Variants in ITPR3 observed in about 807,000 individuals in gnomAD.
The protein encoded by ITPR3 is inositol 1,4,5-trisphosphate receptor type 3.
In ITPR3, 173 loss-of-function variants were observed where a neutral mutation model predicts 293.2. The observed-to-expected ratio is 0.59, with a 90% CI of 0.52 to 0.67. ITPR3 has a LOEUF of 0.67. ITPR3 is among the 30% of genes least tolerant of loss of function. The probability of loss-of-function intolerance (pLI) is 0.00; values close to 1 mark genes in which losing one functional copy is unlikely to be tolerated. For synonymous variants in ITPR3, 1,295 were observed against 1,444.4 expected, an observed-to-expected ratio of 0.90 and a Z score of 2.35; for missense variants, 2,796 against 3,592.1, an observed-to-expected ratio of 0.78 and a Z score of 5.66.
chr6:33,665,533 T>C (rs950488946), intron 13 of ITPR3, among the ~76,000 whole-genome samples: 6 of 151,884 alleles, frequency 4.0e-5, no homozygotes, highest in South Asian at 4.2e-4. Context: ...AGGATGCAAA[T>C]GCAGCCCCCT....
At position 33,695,822 on chromosome 6, in the gene ITPR3, G is replaced by T; in HGVS notation, c.*42G>T. The T allele has an allele frequency of 1.3e-6, 2 of 1,597,582 alleles. No homozygotes were observed. Among genetic ancestry groups the T allele is most frequent in the Non-Finnish European group, 1.7e-6 (2 of 1,165,342 alleles). On this transcript the variant is annotated 3_prime_UTR_variant, in exon 58 of 58. Coordinates refer to ENST00000605930, the MANE Select transcript of ITPR3 (RefSeq NM_002224.4). ...CCCCAACAGGGGATGCTCATCACTG[G>T]AGACTGCGACTGGGAAGAACACTGC...
chr6:33,689,428 C>T lies in ITPR3; in HGVS notation c.6867+18C>T. On this transcript the variant is annotated intron_variant, in intron 50 of 57. Coordinates refer to ENST00000605930, the MANE Select transcript of ITPR3 (RefSeq NM_002224.4). Reference sequence around the variant, plus strand: ...CCCTCAATGTGAGTGCCAGAGGGAGCCCCCATTCCCAAACAAGCTCATGCT... The same window carrying T: ...CCCTCAATGTGAGTGCCAGAGGGAGTCCCCATTCCCAAACAAGCTCATGCT... 1 of 1,603,574 alleles carries T rather than the reference C, an allele frequency of 6.2e-7. No individual in the cohort carries two copies. Among genetic ancestry groups the T allele is most frequent in the Non-Finnish European group, 8.5e-7 (1 of 1,178,704 alleles).
chr6:33,626,503 GT>G (rs1424759766), intron 1 of ITPR3, among the ~76,000 whole-genome samples: 1 of 152,242 alleles, frequency 6.6e-6, no homozygotes, highest in African/African-American at 2.4e-5. Context: ...CTGACAGGCT[GT>G]GAGGAAGCCT....
intron 10 of ITPR3, 90 bp downstream of exon 10, chr6:33,663,640 G>T: frequency 6.2e-7 from 1 of 1,606,340 alleles, no homozygotes; most frequent in Middle Eastern, 1.7e-4. Context: ...TGGGAGGTGG[G>T]CTGGAGGGAG....
At chr6:33,635,247 C>T (rs529119217) in intron 1 of ITPR3, among the ~76,000 whole-genome samples, 4 of 152,160 alleles carry the variant, frequency 2.6e-5, no homozygotes, top group Non-Finnish European at 5.9e-5. Context: ...TGAATTCGGA[C>T]GAAACCCACG....
chr6:33,674,602 C>A lies in ITPR3; in HGVS notation c.3116+337C>A, dbSNP rs973777784. ...AGTGTGGGGACATGCATCCCATCCACCCGAAGCCCTGAGGGGCTGGAGGCA... is the reference window on the plus strand; with the variant it reads ...AGTGTGGGGACATGCATCCCATCCAACCGAAGCCCTGAGGGGCTGGAGGCA... On this transcript the variant is annotated intron_variant, in intron 24 of 57. Transcript: ENST00000605930. 2.6e-5 allele frequency among the ~76,000 whole-genome samples: 4 copies of A among 152,344 alleles called. No homozygotes were observed. In the East Asian group the frequency reaches 5.8e-4, roughly 22 times the overall value.
In ITPR3 at chr6:33,639,698, G is replaced by C. The variant is rs561957597; in HGVS notation, c.90-786G>C. ...GAAGGGTGGCTGGATGGGTAGATGG[G>C]TGGATGGGTGGATGGATGGGTGCAT... On this transcript the variant is annotated intron_variant, in intron 1 of 57. Coordinates refer to ENST00000605930, the MANE Select transcript of ITPR3 (RefSeq NM_002224.4). 2.6e-4 allele frequency among the ~76,000 whole-genome samples: 40 copies of C among 152,164 alleles called. No homozygotes were observed. In the South Asian group the frequency reaches 6.6e-3, roughly 25 times the overall value.
chr6:33,693,672 G>A lies in ITPR3; in HGVS notation c.7752G>A (p.Thr2584=), dbSNP rs183531106. The A allele has an allele frequency of 2.7e-4, 439 of 1,614,146 alleles. 4 individuals carry two copies. In the East Asian group the frequency reaches 8.0e-3, roughly 29 times the overall value. The stretch of plus-strand genomic sequence containing the variant: ...GCGTGAAGAACAAGACCGACTACAC[G>A]GGCCCTGAGAGCTACGTGGCCCAGA... The part of the protein sequence containing the change: ...LVRVKNKTDY[T]GPESYVAQMI... The change falls in exon 56 of 58, where the codon ACG becomes ACA. Residue 2584 remains threonine, a synonymous_variant. Transcript: ENST00000605930.
intron 28 of ITPR3, 122 bp from the exon 29 acceptor site, chr6:33,678,299 C>T (rs960045926): frequency 6.6e-6 from 9 of 1,368,962 alleles, no homozygotes; most frequent in East Asian, 2.3e-5. Flanking sequence ...TTTCCCTTTA[C>T]GCTGGCCTCT....
In ITPR3 at chr6:33,683,708, C is replaced by T. The variant is rs188558041; in HGVS notation, c.4788+311C>T. ...CCTGTCTATGCAGCACATTTCTGTG[C>T]GCTGTCTCGTTGGCCTGTAGAGGGG... On this transcript the variant is annotated intron_variant, in intron 35 of 57. Coordinates refer to ENST00000605930, the MANE Select transcript of ITPR3 (RefSeq NM_002224.4). The surrounding 1 kb of genome is among the most constrained non-coding windows in gnomAD (Gnocchi z 4.5). 1.5e-3 allele frequency among the ~76,000 whole-genome samples: 233 copies of T among 152,250 alleles called. 6 individuals carry two copies. Among genetic ancestry groups the T allele is most frequent in the East Asian group, 0.013 (65 of 5,192 alleles).
rs1400921019 is a variant in ITPR3, at chr6:33,690,281, ACCAGTCTGTCTGT to A, written c.7032+90_7032+102del. The A allele has an allele frequency of 2.3e-6, 3 of 1,328,874 alleles. No homozygotes were observed. In the Admixed American group the frequency reaches 6.0e-5, roughly 26 times the overall value. 82.3% of individuals were successfully genotyped at this position (1,328,874 alleles called of 1,614,324 possible). The stretch of plus-strand genomic sequence containing the variant: ...CATGAGTTGTTGGCAGTTCCCCGGC[ACCAGTCTGTCTGT>A]CCAGTCCTTTTGCTGCTGGGCTGGG... On this transcript the variant is annotated intron_variant, in intron 51 of 57. Coordinates refer to ENST00000605930, the MANE Select transcript of ITPR3 (RefSeq NM_002224.4).
At position 33,684,324 on chromosome 6, in the gene ITPR3, G is replaced by A. The variant is rs1209049174; in HGVS notation, c.4938-33G>A. ...AAGTAGCTGGAGGGAGGCAGTGTGG[G>A]GCTGCCCTGAGCTGCCTCCTTGGCC... On this transcript the variant is annotated intron_variant, in intron 36 of 57. Coordinates refer to ENST00000605930, the MANE Select transcript of ITPR3 (RefSeq NM_002224.4). This position sits in a 1 kb window ranked among gnomAD's most constrained non-coding sequence, Gnocchi z 4.2. The A allele has an allele frequency of 1.9e-6, 3 of 1,603,554 alleles. No individual in the cohort carries two copies. Among genetic ancestry groups the A allele is most frequent in the Non-Finnish European group, 1.7e-6 (2 of 1,171,152 alleles).
chr6:33,651,276 CAAAAA>C (rs11284603), intron 2 of ITPR3, among the ~76,000 whole-genome samples: 4 of 103,174 alleles, frequency 3.9e-5, no homozygotes, highest in Admixed American at 2.0e-4. Flanking sequence ...GACTCCGTCT[CAAAAA>C]AAAAAAAAAA....
Position 33,667,308 on chromosome 6 carries a change from T to G in ITPR3, c.1713+18T>G, listed in dbSNP as rs368682699. 3.7e-6 allele frequency: 6 copies of G among 1,607,910 alleles called. No individual in the cohort carries two copies. Among genetic ancestry groups the G allele is most frequent in the Non-Finnish European group, 5.1e-6 (6 of 1,177,274 alleles). On this transcript the variant is annotated intron_variant, in intron 15 of 57. Coordinates refer to ENST00000605930, the MANE Select transcript of ITPR3 (RefSeq NM_002224.4). The surrounding 1 kb of genome is among the most constrained non-coding windows in gnomAD (Gnocchi z 4.4). ...AGAACCAGGTGCGCCGCTGCCCTGCTGGCCCACTCGCTGGCTGCACGTTCC... is the reference window on the plus strand; with the variant it reads ...AGAACCAGGTGCGCCGCTGCCCTGCGGGCCCACTCGCTGGCTGCACGTTCC...
chr6:33,665,893 G>A lies in ITPR3; in HGVS notation c.1468G>A (p.Gly490Arg), dbSNP rs1335400835. The stretch of plus-strand genomic sequence containing the variant: ...CTTTGTCAGCGATGTCCCCAACAAT[G>A]GGCAGAATGTCCTGGACATCATGGT... ...VFFVSDVPNN[G>R]QNVLDIMVTK... The change falls in exon 14 of 58, where the codon GGG becomes AGG. Residue 490 changes from glycine to arginine, a missense_variant. Transcript: ENST00000605930. The A allele has an allele frequency of 1.9e-6, 3 of 1,614,212 alleles. No individual in the cohort carries two copies. Among genetic ancestry groups the A allele is most frequent in the Middle Eastern group, 1.6e-4 (1 of 6,062 alleles).
At chr6:33,686,818 G>A (rs1237135372) in intron 43 of ITPR3, among the ~76,000 whole-genome samples, 191 bp from the exon 44 acceptor site, 1 of 152,178 alleles carries the variant, frequency 6.6e-6, no homozygotes, top group Non-Finnish European at 1.5e-5. Context: ...CAGCGGGGGT[G>A]AAGGCAAGCC....
intron 56 of ITPR3, chr6:33,694,409 C>CCG: frequency 5.8e-6 from 1 of 173,118 alleles, no homozygotes; most frequent in East Asian, 1.9e-4. Flanking sequence ...CCCCTCCCCC[C>CCG]CCGACTCCTC....
chr6:33,622,143 G>A (rs1561845187), intron 1 of ITPR3, among the ~76,000 whole-genome samples: 1 of 152,058 alleles, frequency 6.6e-6, no homozygotes, highest in Non-Finnish European at 1.5e-5. Context: ...TGGTGCCTTT[G>A]AGGGGTCGCA....
chr6:33,641,067 C>G (rs1000385494), intron 2 of ITPR3, among the ~76,000 whole-genome samples: 1 of 152,198 alleles, frequency 6.6e-6, no homozygotes, highest in Non-Finnish European at 1.5e-5. Context: ...ATAACAAAGC[C>G]CCTTGGTGGG....
Sources: gnomAD v4.1 joint callset for allele counts (sites outside exome capture counted in the v4.1 genomes callset) on GRCh38, gnomAD v4.1.1 for gene constraint, Gnocchi (gnomAD v3.1) non-coding constraint, MANE v1.5 for transcripts, NCBI Gene and HGNC (gene_info 2026-07-23, HGNC 2026-07-21) for gene names.